Variants in CDH23 observed in about 807,000 individuals in gnomAD.
CDH23 encodes cadherin-23.
A neutral mutation model predicts 317.1 loss-of-function variants in CDH23; 189 were observed. The observed-to-expected ratio is 0.60, with a 90% CI of 0.53 to 0.67. The LOEUF (loss-of-function observed/expected upper bound fraction) is 0.67. Among genes scored for constraint, CDH23 ranks in the 30% least tolerant of loss-of-function variants. CDH23 has a pLI of 0.00. For missense variants in CDH23, 4,401 were observed against 4,592.4 expected (o/e 0.96, Z 1.20); for synonymous variants, 1,839 against 1,876.8 (o/e 0.98, Z 0.52).
At chr10:71,725,322 G>A (rs1266673537) in intron 29 of CDH23, 50 bp from the exon 30 acceptor site, 1 of 1,613,178 alleles carries the variant, frequency 6.2e-7, no homozygotes, top group East Asian at 2.2e-5. Flanking sequence ...AGCACAGCAG[G>A]AGACTTCTGG....
chr10:71,799,372 GC>G, intron 51 of CDH23, 92 bp downstream of exon 51: 1 of 1,605,914 alleles, frequency 6.2e-7, no homozygotes. Context: ...CAGCCTCTAA[GC>G]CCCCTGGGAG....
chr10:71,423,790 A>G (rs1245973153), intron 1 of CDH23, among the ~76,000 whole-genome samples: 1 of 152,194 alleles, frequency 6.6e-6, no homozygotes, highest in East Asian at 1.9e-4. Flanking sequence ...AAGGCCAGTG[A>G]AGGCCAAGTG....
chr10:71,741,035 C>A, intron 37 of CDH23, 85 bp downstream of exon 37: 1 of 1,502,416 alleles, frequency 6.7e-7, no homozygotes. Context: ...GTTTAAATGT[C>A]TGCCTGGCCC....
At chr10:71,468,427 C>G (rs943560921) in intron 3 of CDH23, among the ~76,000 whole-genome samples, 1 of 152,190 alleles carries the variant, frequency 6.6e-6, no homozygotes, top group Non-Finnish European at 1.5e-5. Flanking sequence ...CCTTGGCTTA[C>G]CAGGCCAGGC....
chr10:71,746,480 G>A (rs1040800098), intron 38 of CDH23, among the ~76,000 whole-genome samples: 6 of 152,210 alleles, frequency 3.9e-5, no homozygotes, highest in Non-Finnish European at 7.3e-5. Flanking sequence ...ACCCAGGCCC[G>A]CCACACAATG....
At position 71,532,604 on chromosome 10, in the gene CDH23, A is replaced by T. The variant is rs116132416; in HGVS notation, c.429+21392A>T. Among the ~76,000 whole-genome samples the T allele has an allele frequency of 1.1e-3, 160 of 151,484 alleles. 1 individual carries two copies. The highest frequency in any genetic ancestry group is 3.7e-3 in the African/African-American group (154 of 41,176). ...TAACTCCCTCTGGGGCTGGATGGAGACTCAGGCAACCTGACCTTTTGAGTC... is the reference window on the plus strand; with the variant it reads ...TAACTCCCTCTGGGGCTGGATGGAGTCTCAGGCAACCTGACCTTTTGAGTC... On this transcript the variant is annotated intron_variant, in intron 6 of 69. Transcript: ENST00000224721.
intron 28 of CDH23, chr10:71,713,342 A>T (rs1398908268): frequency 1.3e-6 from 1 of 770,752 alleles, no homozygotes; most frequent in Non-Finnish European, 2.4e-6. Context: ...GTGCACCCAC[A>T]CCTCTGCCCA....
chr10:71,748,479 C>G (rs1448335208), intron 38 of CDH23: 2 of 152,276 alleles, frequency 1.3e-5, no homozygotes, highest in East Asian at 3.8e-4. Context: ...ATGGTGCTTT[C>G]AATTCCATTC....
intron 6 of CDH23, among the ~76,000 whole-genome samples, chr10:71,556,969 T>A (rs760616626): frequency 6.6e-6 from 1 of 152,182 alleles, no homozygotes; most frequent in Non-Finnish European, 1.5e-5. Flanking sequence ...ACTCTTAACA[T>A]TCACTGAACC....
At chr10:71,545,943 G>A (rs1035987991) in intron 6 of CDH23, among the ~76,000 whole-genome samples, 1 of 152,160 alleles carries the variant, frequency 6.6e-6, no homozygotes, top group African/African-American at 2.4e-5. Context: ...ATCTGGGGTG[G>A]TATAGACACC....
At chr10:71,712,561 A>T in intron 27 of CDH23, 104 bp from the exon 28 acceptor site, 1 of 1,363,264 alleles carries the variant, frequency 7.3e-7, no homozygotes, top group Admixed American at 1.9e-5. Flanking sequence ...GATGGGGCGG[A>T]ACAGGGCACC....
intron 3 of CDH23, among the ~76,000 whole-genome samples, chr10:71,448,326 C>T (rs1040398981): frequency 6.6e-5 from 10 of 152,236 alleles, no homozygotes; most frequent in African/African-American, 1.2e-4. Flanking sequence ...CTTTTGCAAA[C>T]GCCAGCATCG....
chr10:71,616,400 A>C (rs1245115939), intron 10 of CDH23, among the ~76,000 whole-genome samples: 4 of 152,206 alleles, frequency 2.6e-5, no homozygotes, highest in African/African-American at 9.6e-5. Flanking sequence ...GGTGTGGGTT[A>C]GCCATGGGAG....
Position 71,809,844 on chromosome 10 carries a change from C to G in CDH23, c.8747C>G (p.Thr2916Ser), listed in dbSNP as rs1436275815. ...TMGSMDGILR[T>S]FDLFMAYSPG... ...GGGAGCATGGACGGCATTCTGCGCA[C>G]CTTCGACCTCTTCATGGCCTACAGC... Residue 2916 changes from threonine to serine, a missense_variant, in exon 61 of 70, where the codon ACC becomes AGC. Physicochemically the swap from Thr to Ser is moderately conservative, Grantham distance 58. Around this residue, in one of 3 missense-constraint regions of CDH23, gnomAD observed 1,144 missense variants for 1,138.2 expected, o/e 1.01. Coordinates refer to ENST00000224721, the MANE Select transcript of CDH23 (RefSeq NM_022124.6). 1 of 1,613,248 alleles carries G rather than the reference C, an allele frequency of 6.2e-7. No homozygotes were observed.
chr10:71,648,395 G>T (rs540144556), intron 14 of CDH23, among the ~76,000 whole-genome samples: 5 of 152,348 alleles, frequency 3.3e-5, no homozygotes, highest in Admixed American at 3.3e-4. Context: ...TCAGAGTGGA[G>T]GGGAGGCTCT....
chr10:71,743,744 G>A (rs745453317), intron 38 of CDH23, among the ~76,000 whole-genome samples: 1 of 152,226 alleles, frequency 6.6e-6, no homozygotes, highest in Non-Finnish European at 1.5e-5. Context: ...GATCATCTTG[G>A]TCGTCCCTTC....
intron 48 of CDH23, among the ~76,000 whole-genome samples, chr10:71,794,983 A>C (rs1354106935): frequency 6.6e-6 from 1 of 152,202 alleles, no homozygotes; most frequent in Non-Finnish European, 1.5e-5. Flanking sequence ...GTGAGAAGCA[A>C]TAAATTAGAC....
At chr10:71,469,274 C>T (rs1277190056) in intron 3 of CDH23, among the ~76,000 whole-genome samples, 4 of 152,196 alleles carry the variant, frequency 2.6e-5, no homozygotes, top group Admixed American at 6.5e-5. Flanking sequence ...CAGGTTTCCT[C>T]ATGCCCCTTC....
chr10:71,755,177 G>A, intron 38 of CDH23: 5 of 698,470 alleles, frequency 7.2e-6, no homozygotes, highest in Non-Finnish European at 1.3e-5. Context: ...CCCCGGAAAT[G>A]GCATGCCTCC....
Sources: allele counts gnomAD v4.1 joint callset (sites outside exome capture counted in the v4.1 genomes callset), GRCh38; gene constraint gnomAD v4.1.1; regional missense constraint gnomAD v4.1.1; transcripts MANE v1.5; gene names NCBI Gene and HGNC (gene_info 2026-07-23, HGNC 2026-07-21).